PXDNL: variants seen among roughly 807,000 people sequenced by gnomAD.
PXDNL encodes peroxidasin like.
In PXDNL, 145 loss-of-function variants were observed where a neutral mutation model predicts 150.8. The observed-to-expected ratio is 0.96, with a 90% CI of 0.84 to 1.10. The LOEUF is 1.10. Among genes scored for constraint, PXDNL ranks in the 50% least tolerant of loss-of-function variants. The pLI is 0.00. For synonymous variants in PXDNL, 757 were observed against 725.7 expected, an observed-to-expected ratio of 1.04 and a Z score of -0.69; for missense variants, 2,087 against 1,873.9, an observed-to-expected ratio of 1.11 and a Z score of -2.10.
At chr8:51,348,863 G>A (rs373183424) in intron 19 of PXDNL, among the ~76,000 whole-genome samples, 2 of 152,222 alleles carry the variant, frequency 1.3e-5, no homozygotes, top group East Asian at 1.9e-4. Context: ...CGGACAGTCA[G>A]ACTCAAAAGC....
At chr8:51,393,227 T>G (rs1358132611) in intron 17 of PXDNL, among the ~76,000 whole-genome samples, 1 of 152,222 alleles carries the variant, frequency 6.6e-6, no homozygotes, top group East Asian at 1.9e-4. Context: ...CCAATGCAGA[T>G]TCACTTACAC....
intron 2 of PXDNL, among the ~76,000 whole-genome samples, chr8:51,631,931 G>A (rs1814496490): frequency 6.6e-6 from 1 of 152,034 alleles, no homozygotes; most frequent in Admixed American, 6.6e-5. Flanking sequence ...TAATGGAGGA[G>A]AAGAAGAACA....
chr8:51,633,067 AC>A (rs1374856881), intron 2 of PXDNL, among the ~76,000 whole-genome samples: 1 of 151,554 alleles, frequency 6.6e-6, no homozygotes, highest in Non-Finnish European at 1.5e-5. Context: ...CCATTCTAAT[AC>A]CCCCCGTGTC....
intron 1 of PXDNL, among the ~76,000 whole-genome samples, chr8:51,804,528 T>C (rs1404835768): frequency 1.3e-5 from 2 of 152,142 alleles, no homozygotes; most frequent in Non-Finnish European, 2.9e-5. Flanking sequence ...ACTCCATAAA[T>C]ACAGAAGCAG....
At chr8:51,598,605 G>T (rs1231263245) in intron 2 of PXDNL, among the ~76,000 whole-genome samples, 1 of 152,086 alleles carries the variant, frequency 6.6e-6, no homozygotes, top group Non-Finnish European at 1.5e-5. Context: ...TGATCATGGT[G>T]AACTAATTTT....
intron 4 of PXDNL, among the ~76,000 whole-genome samples, chr8:51,516,707 C>G (rs897778138): frequency 2.0e-5 from 3 of 152,154 alleles, no homozygotes; most frequent in African/African-American, 7.2e-5. Flanking sequence ...CCTTTCTGTT[C>G]TTGCCATTGG....
intron 5 of PXDNL, among the ~76,000 whole-genome samples, chr8:51,490,727 AGT>A (rs35415972): frequency 0.057 from 8,406 of 147,218 alleles, 574 homozygotes; most frequent in African/African-American, 0.17. Context: ...TTGACTTTCT[AGT>A]GTGTGTGTGT....
intron 1 of PXDNL, among the ~76,000 whole-genome samples, chr8:51,752,600 A>G (rs1329309300): frequency 6.6e-6 from 1 of 152,122 alleles, no homozygotes; most frequent in East Asian, 1.9e-4. Flanking sequence ...TCTGTCACCT[A>G]CAATCTCCTG....
chr8:51,800,819 T>A (rs2037610978), intron 1 of PXDNL, among the ~76,000 whole-genome samples: 1 of 152,220 alleles, frequency 6.6e-6, no homozygotes, highest in African/African-American at 2.4e-5. Flanking sequence ...GTTATCTTTG[T>A]AAGCTGAGGA....
intron 12 of PXDNL, among the ~76,000 whole-genome samples, chr8:51,437,374 G>A (rs1049257073): frequency 3.3e-5 from 5 of 152,036 alleles, no homozygotes; most frequent in Non-Finnish European, 7.4e-5. Flanking sequence ...AACCAGGAAA[G>A]GACATAACAG....
In PXDNL at chr8:51,525,016, A is replaced by G. The variant is rs563727875; in HGVS notation, c.381-25246T>C. ...GTTGAACTCTTCCTGATGATGCGCCATCCCAGAAGACTGAGAACTAACAGG... is the reference window on the plus strand; with the variant it reads ...GTTGAACTCTTCCTGATGATGCGCCGTCCCAGAAGACTGAGAACTAACAGG... On this transcript the variant is annotated intron_variant, in intron 4 of 22. Transcript: ENST00000356297. Among the ~76,000 whole-genome samples the G allele has an allele frequency of 3.9e-5, 6 of 152,330 alleles. No individual in the cohort carries two copies. The South Asian group carries it at 1.0e-3, about 26-fold the overall frequency.
intron 2 of PXDNL, among the ~76,000 whole-genome samples, chr8:51,608,836 CAAAAAAAAAAAA>C (rs59195880): frequency 3.4e-5 from 2 of 59,596 alleles, no homozygotes; most frequent in Non-Finnish European, 6.5e-5. Flanking sequence ...GACTCTGTCT[CAAAAAAAAAAAA>C]AAAAAAAAAA....
intron 17 of PXDNL, among the ~76,000 whole-genome samples, chr8:51,388,814 AT>A (rs1807804590): frequency 6.6e-6 from 1 of 151,908 alleles, no homozygotes; most frequent in Non-Finnish European, 1.5e-5. Context: ...CCAGTTCACT[AT>A]TTTTTTAATT....
rs1002520090 is a variant in PXDNL, at chr8:51,415,953, A to T, written c.1796-2695T>A. On this transcript the variant is annotated intron_variant, in intron 14 of 22. Coordinates refer to ENST00000356297, the MANE Select transcript of PXDNL (RefSeq NM_144651.5). ...TACATTAGTCTGCTTATGTGTTCAA[A>T]AAAAGTCAGTAGGAATGAGCCTACT... Among the ~76,000 whole-genome samples, 5 of 152,364 alleles carry T rather than the reference A, an allele frequency of 3.3e-5. No individual in the cohort carries two copies. The East Asian group carries it at 5.8e-4, about 18-fold the overall frequency.
chr8:51,409,640 G>A (rs1586083172), intron 16 of PXDNL, 79 bp from the exon 17 acceptor site: 2 of 1,253,574 alleles, frequency 1.6e-6, no homozygotes, highest in East Asian at 5.3e-5. Context: ...GATGCTGCGG[G>A]AACCACCTCC....
intron 1 of PXDNL, among the ~76,000 whole-genome samples, chr8:51,732,251 G>T (rs1399708193): frequency 1.3e-5 from 2 of 152,116 alleles, no homozygotes; most frequent in East Asian, 3.9e-4. Context: ...TCTCTCTCTA[G>T]CTCAAAGTTC....
At chr8:51,660,790 T>C (rs1053991053) in intron 1 of PXDNL, among the ~76,000 whole-genome samples, 4 of 152,136 alleles carry the variant, frequency 2.6e-5, no homozygotes, top group South Asian at 4.2e-4. Flanking sequence ...TGTTATTTTA[T>C]TGGGAAACAT....
rs1438962504 is a variant in PXDNL, at chr8:51,556,703, G to C, written c.380+137C>G. 3.4e-5 allele frequency: 22 copies of C among 639,522 alleles called. No homozygotes were observed. In the Middle Eastern group the frequency reaches 1.7e-3, roughly 49 times the overall value. The allele number at this position is 639,522 out of a possible 1,614,324, so 39.6% of individuals were successfully genotyped here. On this transcript the variant is annotated intron_variant, in intron 4 of 22. Transcript: ENST00000356297. ...CATACATTCTGATTTTTATCCAACT[G>C]ATGACAGATATTCAATCATTCAAGC...
At chr8:51,525,266 A>G (rs1412961932) in intron 4 of PXDNL, among the ~76,000 whole-genome samples, 2 of 152,194 alleles carry the variant, frequency 1.3e-5, no homozygotes, top group African/African-American at 4.8e-5. Context: ...AAGATTACAT[A>G]TTCTTTAAAT....
Sources: gnomAD v4.1 joint callset for allele counts (sites outside exome capture counted in the v4.1 genomes callset) on GRCh38, gnomAD v4.1.1 for gene constraint, MANE v1.5 for transcripts, NCBI Gene and HGNC (gene_info 2026-07-23, HGNC 2026-07-21) for gene names.